Variants in CTDSPL observed in about 807,000 individuals in gnomAD.
The protein encoded by CTDSPL is CTD small phosphatase like, also known as CTD small phosphatase-like protein.
Under a neutral mutation model 30.5 loss-of-function variants are expected in CTDSPL, and 8 were observed. The ratio of observed to expected loss-of-function variants is 0.26; its 90% confidence interval spans 0.15 to 0.47. The LOEUF (loss-of-function observed/expected upper bound fraction) is 0.47. CTDSPL is among the 20% of genes least tolerant of loss of function. The probability of loss-of-function intolerance (pLI) is 0.99; values close to 1 mark genes in which losing one functional copy is unlikely to be tolerated. For missense variants in CTDSPL, 248 were observed against 366.1 expected (o/e 0.68, Z 2.63); for synonymous variants, 110 against 137.9 (o/e 0.80, Z 1.42).
intron 1 of CTDSPL, among the ~76,000 whole-genome samples, chr3:37,879,980 A>G (rs1698183603): frequency 6.6e-6 from 1 of 151,566 alleles, no homozygotes; most frequent in African/African-American, 2.4e-5. Flanking sequence ...AGTCATTCCA[A>G]GTGCTTGGGA....
intron 1 of CTDSPL, among the ~76,000 whole-genome samples, chr3:37,870,246 G>A (rs1342826549): frequency 6.6e-6 from 1 of 151,962 alleles, no homozygotes; most frequent in Non-Finnish European, 1.5e-5. Context: ...TAGTTATAGA[G>A]CTATTTAAAT....
intron 1 of CTDSPL, among the ~76,000 whole-genome samples, chr3:37,935,463 G>A (rs1698904325): frequency 6.6e-6 from 1 of 152,152 alleles, no homozygotes; most frequent in African/African-American, 2.4e-5. Flanking sequence ...GTTATAAACA[G>A]ACTCTGTGCA....
At chr3:37,898,419 A>G (rs1272819293) in intron 1 of CTDSPL, among the ~76,000 whole-genome samples, 1 of 152,198 alleles carries the variant, frequency 6.6e-6, no homozygotes, top group Non-Finnish European at 1.5e-5. Flanking sequence ...TAATAGCAAT[A>G]TTAGGTTGGA....
At chr3:37,936,943 A>C (rs1222388900) in intron 1 of CTDSPL, among the ~76,000 whole-genome samples, 1 of 151,130 alleles carries the variant, frequency 6.6e-6, no homozygotes, top group South Asian at 2.1e-4. Context: ...GATGAGAAAG[A>C]AGCTAGTTTG....
rs144320397 is a variant in CTDSPL at position 37,862,572 on chromosome 3, T to A, written c.79+294T>A. ...CGCAGAGAAGTTGTGAGCCTGTGTG[T>A]GCACCTAACACAGAGGTTCTAAGTG... On this transcript the variant is annotated intron_variant, in intron 1 of 7. Coordinates refer to ENST00000273179, the MANE Select transcript of CTDSPL (RefSeq NM_001008392.2). This position sits in a 1 kb window ranked among gnomAD's most constrained non-coding sequence, Gnocchi z 4.3. Among the ~76,000 whole-genome samples, 1,084 of 152,310 alleles carry A rather than the reference T, an allele frequency of 7.1e-3. 15 individuals carry two copies. The highest frequency in any genetic ancestry group is 0.025 in the African/African-American group (1,040 of 41,560).
intron 7 of CTDSPL, among the ~76,000 whole-genome samples, chr3:37,980,070 A>C (rs6798889): frequency 6.6e-6 from 1 of 152,180 alleles, no homozygotes; most frequent in Non-Finnish European, 1.5e-5. Flanking sequence ...AAAGGGCTAA[A>C]ATGTTACTTT....
At chr3:37,965,740 A>G (rs1699292731) in intron 4 of CTDSPL, among the ~76,000 whole-genome samples, 1 of 152,204 alleles carries the variant, frequency 6.6e-6, no homozygotes, top group African/African-American at 2.4e-5. Flanking sequence ...TGTTCTTCTC[A>G]CTAAACAGAG....
intron 1 of CTDSPL, among the ~76,000 whole-genome samples, chr3:37,927,678 G>GTA (rs751123637): frequency 2.9e-5 from 3 of 102,076 alleles, no homozygotes; most frequent in East Asian, 2.9e-4. Context: ...GTGTGTGTGT[G>GTA]TATGTGTATA....
chr3:37,958,095 T>C (rs1476307952), intron 3 of CTDSPL, among the ~76,000 whole-genome samples: 2 of 152,224 alleles, frequency 1.3e-5, no homozygotes, highest in South Asian at 2.1e-4. Flanking sequence ...TCTGGGAACA[T>C]ACAATAGACA....
chr3:37,898,878 T>C (rs1698418499), intron 1 of CTDSPL, among the ~76,000 whole-genome samples: 2 of 152,166 alleles, frequency 1.3e-5, no homozygotes, highest in African/African-American at 4.8e-5. Context: ...AAGCCTCATA[T>C]CTTATGGGGA....
intron 3 of CTDSPL, among the ~76,000 whole-genome samples, chr3:37,962,829 GT>G (rs1012213346): frequency 2.0e-5 from 3 of 152,178 alleles, no homozygotes; most frequent in African/African-American, 7.2e-5. Context: ...ATGAGAATGT[GT>G]TTTATATTAA....
intron 1 of CTDSPL, among the ~76,000 whole-genome samples, chr3:37,912,032 A>G (rs750472302): frequency 6.6e-6 from 1 of 152,254 alleles, no homozygotes; most frequent in Non-Finnish European, 1.5e-5. Context: ...ACTGAACTCC[A>G]GCCTGGTCCT....
intron 1 of CTDSPL, among the ~76,000 whole-genome samples, chr3:37,915,492 C>G (rs1698635717): frequency 6.6e-6 from 1 of 152,044 alleles, no homozygotes; most frequent in Non-Finnish European, 1.5e-5. Flanking sequence ...TTGTGTCTTT[C>G]TGAGTTTCAA....
intron 1 of CTDSPL, among the ~76,000 whole-genome samples, chr3:37,884,657 G>A (rs922049193): frequency 6.6e-6 from 1 of 152,172 alleles, no homozygotes; most frequent in Non-Finnish European, 1.5e-5. Context: ...AATCGGCTGA[G>A]TAAAGCCCTT....
intron 1 of CTDSPL, among the ~76,000 whole-genome samples, chr3:37,930,661 A>T (rs1048138286): frequency 6.6e-6 from 1 of 152,190 alleles, no homozygotes; most frequent in Non-Finnish European, 1.5e-5. Context: ...TTAACATGTG[A>T]TCTATCCTGG....
rs974699690 is a variant in CTDSPL at position 37,978,471 on chromosome 3, C to G, written c.706-2271C>G. Among the ~76,000 whole-genome samples, 6 of 152,244 alleles carry G rather than the reference C, an allele frequency of 3.9e-5. No individual in the cohort carries two copies. In the South Asian group the frequency reaches 1.2e-3, roughly 32 times the overall value. ...AAATTCATTTCTGTTTTATGTACAG[C>G]TTATACACATAGCCTAAAGGTAATT... is the stretch of plus-strand genomic sequence containing the variant. On this transcript the variant is annotated intron_variant, in intron 7 of 7. Coordinates refer to ENST00000273179, the MANE Select transcript of CTDSPL (RefSeq NM_001008392.2).
chr3:37,896,991 G>C (rs1374362058), intron 1 of CTDSPL, among the ~76,000 whole-genome samples: 1 of 152,204 alleles, frequency 6.6e-6, no homozygotes, highest in Non-Finnish European at 1.5e-5. Context: ...GAAGGAGTTA[G>C]ACTAGAGGCT....
At chr3:37,919,382 T>C (rs1163110723) in intron 1 of CTDSPL, among the ~76,000 whole-genome samples, 1 of 152,166 alleles carries the variant, frequency 6.6e-6, no homozygotes, top group Non-Finnish European at 1.5e-5. Flanking sequence ...CAGCTTTCCC[T>C]TCTCAGAAAA....
At chr3:37,899,126 G>C (rs1698420840) in intron 1 of CTDSPL, among the ~76,000 whole-genome samples, 1 of 152,212 alleles carries the variant, frequency 6.6e-6, no homozygotes, top group African/African-American at 2.4e-5. Flanking sequence ...CCAGGGAGAA[G>C]TGCTAAGTAG....
Sources: allele counts gnomAD v4.1 joint callset (sites outside exome capture counted in the v4.1 genomes callset), GRCh38; gene constraint gnomAD v4.1.1; non-coding constraint Gnocchi (gnomAD v3.1); transcripts MANE v1.5; gene names NCBI Gene and HGNC (gene_info 2026-07-23, HGNC 2026-07-21).